The following ESRP2 variants were observed in gnomAD, a reference collection of about 807,000 sequenced individuals.
ESRP2 encodes the protein RNA binding motif protein 35A.
A neutral mutation model predicts 78.6 loss-of-function variants in ESRP2; 48 were observed. The observed-to-expected ratio is 0.61, with a 90% CI of 0.48 to 0.78. The LOEUF (loss-of-function observed/expected upper bound fraction) is 0.78, where lower values mean the gene tolerates loss of function less well. Among genes scored for constraint, ESRP2 ranks in the 30% least tolerant of loss-of-function variants. ESRP2 has a pLI of 0.00. For missense variants in ESRP2, 863 were observed against 965.9 expected, an observed-to-expected ratio of 0.89 and a Z score of 1.41; for synonymous variants, 383 against 406.7, an observed-to-expected ratio of 0.94 and a Z score of 0.70.
chr16:68,231,660 GGAA>G lies in ESRP2; in HGVS notation c.1331_1333del (p.Leu444del), dbSNP rs1432387816. ...GGGCAGCAGTGGGGCAGTCAGTGTA[GGAA>G]GGAGTGGGCCGGATGCATAGCGGTT... On this transcript the variant is annotated inframe_deletion, in exon 11 of 15. Transcript: ENST00000473183. This position sits in a 1 kb window ranked among gnomAD's most constrained non-coding sequence, Gnocchi z 6.0. 1 of 1,612,582 alleles carries G rather than the reference GGAA, an allele frequency of 6.2e-7. No individual in the cohort carries two copies. Among genetic ancestry groups the G allele is most frequent in the Non-Finnish European group, 8.5e-7 (1 of 1,179,098 alleles).
In ESRP2 at chr16:68,231,500, G is replaced by A. The variant is rs2042139471; in HGVS notation, c.1494C>T (p.His498=). ...AAADIRPHGV[H]MVLNQQGRPS... ...GCTTCACCTGCTGGTTGAGCACCAT[G>A]TGTACACCGTGGGGCCGAATGTCAG... is the stretch of plus-strand genomic sequence containing the variant. The change falls in exon 11 of 15, where the codon CAC becomes CAT. Residue 498 remains histidine, a synonymous_variant. Transcript: ENST00000473183. This position sits in a 1 kb window ranked among gnomAD's most constrained non-coding sequence, Gnocchi z 6.0. 1 of 1,613,960 alleles carries A rather than the reference G, an allele frequency of 6.2e-7. No individual in the cohort carries two copies. Among genetic ancestry groups the A allele is most frequent in the African/African-American group, 1.3e-5 (1 of 74,882 alleles).
rs754826593 is a variant in ESRP2 at position 68,232,313 on chromosome 16, C to T, written c.955-25G>A. On this transcript the variant is annotated intron_variant, in intron 8 of 14. Transcript: ENST00000473183. The surrounding 1 kb of genome is among the most constrained non-coding windows in gnomAD (Gnocchi z 5.2). ...CCTGTGGGTACAGAGAGCAGCAGCC[C>T]ATGGGTCTCAGGCCTGACTCAGATT... 11 of 1,614,086 alleles carry T rather than the reference C, an allele frequency of 6.8e-6. No individual in the cohort carries two copies. The highest frequency in any genetic ancestry group is 9.3e-6 in the Non-Finnish European group (11 of 1,180,030).
chr16:68,230,568 G>A lies in ESRP2; in HGVS notation c.1899-14C>T, dbSNP rs369435938. 9 of 1,547,532 alleles carry A rather than the reference G, an allele frequency of 5.8e-6. No individual in the cohort carries two copies. In the African/African-American group the frequency reaches 1.2e-4, roughly 21 times the overall value. On this transcript the variant is annotated splice_polypyrimidine_tract_variant and intron_variant, in intron 13 of 14. Coordinates refer to ENST00000473183, the MANE Select transcript of ESRP2 (RefSeq NM_024939.3). The stretch of plus-strand genomic sequence containing the variant: ...GAGACTGGGGGGCTAGGGTGGGAGA[G>A]ACAAGGTTTAGTCATGCATGCCACC...
chr16:68,234,093 C>T lies in ESRP2; in HGVS notation c.342G>A (p.Val114=), dbSNP rs371703314. 6.2e-7 allele frequency: 1 copy of T among 1,611,838 alleles called. No individual in the cohort carries two copies. Among genetic ancestry groups the T allele is most frequent in the Non-Finnish European group, 8.5e-7 (1 of 1,179,092 alleles). The change falls in exon 3 of 15, where the codon GTG becomes GTA. Residue 114 remains valine, a synonymous_variant. Transcript: ENST00000473183. ...DKVLQQFSQL[V]NGDVALLGGG... is the part of the protein sequence containing the mutation. ...CGCCCAGCAAAGCCACATCCCCGTT[C>T]ACCAGCTGTGAGAACTGGGGATAGG...
In ESRP2 at chr16:68,232,028, G is replaced by A. The variant is rs763741902; in HGVS notation, c.1073C>T (p.Ser358Leu). Residue 358 changes from serine to leucine, a missense_variant, in exon 10 of 15, where the codon TCG becomes TTG. By Grantham distance (145) the Ser-to-Leu change is moderately radical. Transcript: ENST00000473183. The surrounding 1 kb of genome is among the most constrained non-coding windows in gnomAD (Gnocchi z 5.2). ...GCCAAGCACGTCCGTTGGCCCAGCCGAGAAGGGCAGTCCCCGCAGCCGCAG... is the reference window on the plus strand; with the variant it reads ...GCCAAGCACGTCCGTTGGCCCAGCCAAGAAGGGCAGTCCCCGCAGCCGCAG... ...VILRLRGLPFSAGPTDVLGFL... is the reference protein window; with the variant it reads ...VILRLRGLPFLAGPTDVLGFL... The A allele has an allele frequency of 3.1e-6, 5 of 1,614,070 alleles. No individual in the cohort carries two copies. Among genetic ancestry groups the A allele is most frequent in the Admixed American group, 1.7e-5 (1 of 60,012 alleles).
rs2042126238 is a variant in ESRP2, at chr16:68,230,943, G to A, written c.1796C>T (p.Ala599Val). 4 of 1,612,746 alleles carry A rather than the reference G, an allele frequency of 2.5e-6. No individual in the cohort carries two copies. The South Asian group carries it at 4.4e-5, about 18-fold the overall frequency. Residue 599 changes from alanine to valine, a missense_variant, in exon 13 of 15, where the codon GCA becomes GTA. Coordinates refer to ENST00000473183, the MANE Select transcript of ESRP2 (RefSeq NM_024939.3). ...TETAALYPSSALLPAARVPAA... is the reference protein window; with the variant it reads ...TETAALYPSSVLLPAARVPAA... ...AGGCACCCTGGCAGCTGGGAGCAGT[G>A]CTGAAGAGGGGTATAGAGCTGCCGT...
chr16:68,233,618 T>G, intron 4 of ESRP2, 150 bp downstream of exon 4: 3 of 741,670 alleles, frequency 4.0e-6, no homozygotes, highest in Non-Finnish European at 7.0e-6. Flanking sequence ...AAACTCATCC[T>G]AGCACAGACA....
At position 68,229,581 on chromosome 16, in the gene ESRP2, C is replaced by T. The variant is rs372574382; in HGVS notation, c.*645G>A. 3.9e-5 allele frequency: 6 copies of T among 152,446 alleles called. No individual in the cohort carries two copies. The East Asian group carries it at 5.8e-4, about 15-fold the overall frequency. The allele number at this position is 152,446 out of a possible 1,614,324, so 9.4% of individuals were successfully genotyped here. ...GGGGCCTACTGCCCCCTAATGTCTT[C>T]TGGTGATACTGCAGCACAGTCCATC... On this transcript the variant is annotated 3_prime_UTR_variant, in exon 15 of 15. Transcript: ENST00000473183.
chr16:68,232,045 C>T lies in ESRP2; in HGVS notation c.1056G>A (p.Leu352=), dbSNP rs761447394. The T allele has an allele frequency of 1.2e-5, 19 of 1,613,954 alleles. No homozygotes were observed. In the South Asian group the frequency reaches 2.1e-4, roughly 18 times the overall value. Residue 352 remains leucine (L), a synonymous_variant, in exon 10 of 15, where the codon CTG becomes CTA. Transcript: ENST00000473183. The surrounding 1 kb of genome is among the most constrained non-coding windows in gnomAD (Gnocchi z 5.2). ...LSREDQVILR[L]RGLPFSAGPT... ...GCCCAGCCGAGAAGGGCAGTCCCCGCAGCCGCAGGATCACTTGGTCTTCCC... is the reference window on the plus strand; with the variant it reads ...GCCCAGCCGAGAAGGGCAGTCCCCGTAGCCGCAGGATCACTTGGTCTTCCC...
In ESRP2 at chr16:68,231,759, G is replaced by T. The variant is rs778209842; in HGVS notation, c.1299+43C>A. ...GGGCAGGGACACAGAGGGCCGCCCTGGAGTAACAGTACATCTGGGGGTGGG... is the reference window on the plus strand; with the variant it reads ...GGGCAGGGACACAGAGGGCCGCCCTTGAGTAACAGTACATCTGGGGGTGGG... On this transcript the variant is annotated intron_variant, in intron 10 of 14. Transcript: ENST00000473183. The surrounding 1 kb of genome is among the most constrained non-coding windows in gnomAD (Gnocchi z 6.0). The T allele has an allele frequency of 6.3e-7, 1 of 1,598,888 alleles. No homozygotes were observed. Among genetic ancestry groups the T allele is most frequent in the Admixed American group, 1.7e-5 (1 of 59,466 alleles).
Position 68,232,484 on chromosome 16 carries a change from G to A in ESRP2, c.841C>T (p.Leu281Phe), listed in dbSNP as rs139310835. The A allele has an allele frequency of 6.2e-7, 1 of 1,614,174 alleles. No homozygotes were observed. Among genetic ancestry groups the A allele is most frequent in the South Asian group, 1.1e-5 (1 of 91,084 alleles). ...CCATTTCTGCGGCCCTGGGCGTTGAGGCAGAGTGCTACACCACCCCTGTGG... is the reference window on the plus strand; with the variant it reads ...CCATTTCTGCGGCCCTGGGCGTTGAAGCAGAGTGCTACACCACCCCTGTGG... Reference protein sequence around the residue: ...NVARGGVALCLNAQGRRNGEA... With the variant: ...NVARGGVALCFNAQGRRNGEA... Residue 281 changes from leucine (L) to phenylalanine (F), a missense_variant, in exon 8 of 15, where the codon CTC becomes TTC. Transcript: ENST00000473183. The surrounding 1 kb of genome is among the most constrained non-coding windows in gnomAD (Gnocchi z 5.2).
Position 68,232,403 on chromosome 16 carries a change from GTC to G in ESRP2, c.920_921del (p.Arg307ThrfsTer11), listed in dbSNP as rs1282807530. ...TAGCGGACGCCCATGTGGTGCTTGT[GTC>G]TCTGCAGCGCTAGGTCCCGCTGCTC... ...DSEQRDLALQ[R>X]HKHHMGVRYI... On this transcript the variant is annotated frameshift_variant, in exon 8 of 15. Transcript: ENST00000473183. LOFTEE classifies it high-confidence loss of function. The surrounding 1 kb of genome is among the most constrained non-coding windows in gnomAD (Gnocchi z 5.2). 12 of 1,614,062 alleles carry G rather than the reference GTC, an allele frequency of 7.4e-6. No homozygotes were observed. The highest frequency in any genetic ancestry group is 1.1e-5 in the South Asian group (1 of 91,074).
At position 68,234,482 on chromosome 16, in the gene ESRP2, G is replaced by A. The variant is rs575549419; in HGVS notation, c.328-375C>T. ...TTTGACCGGGTACCACCCTCAGACAGGTGGGGGAGGCCCAGGCCTGCCTGA... is the reference window on the plus strand; with the variant it reads ...TTTGACCGGGTACCACCCTCAGACAAGTGGGGGAGGCCCAGGCCTGCCTGA... On this transcript the variant is annotated intron_variant, in intron 2 of 14. Coordinates refer to ENST00000473183, the MANE Select transcript of ESRP2 (RefSeq NM_024939.3). 45 of 178,182 alleles carry A rather than the reference G, an allele frequency of 2.5e-4. No homozygotes were observed. The South Asian group carries it at 3.7e-3, about 15-fold the overall frequency. The allele number at this position is 178,182 out of a possible 1,614,324, so 11.0% of individuals were successfully genotyped here.
Position 68,232,795 on chromosome 16 carries a change from C to T in ESRP2, c.676G>A (p.Glu226Lys), listed in dbSNP as rs574031396. The T allele has an allele frequency of 6.8e-6, 11 of 1,614,172 alleles. No individual in the cohort carries two copies. In the African/African-American group the frequency reaches 9.3e-5, roughly 14 times the overall value. The change falls in exon 6 of 15, where the codon GAG becomes AAG. Residue 226 changes from glutamate (E) to lysine (K), a missense_variant. Transcript: ENST00000473183. The surrounding 1 kb of genome is among the most constrained non-coding windows in gnomAD (Gnocchi z 5.2). The part of the protein sequence containing the change: ...EPSSQLFSKP[E>K]VIKQKYETGP... ...GTCTCGTATTTCTGCTTTATCACCTCGGGCTTCGAAAACAATTGACCTGAG... is the reference window on the plus strand; with the variant it reads ...GTCTCGTATTTCTGCTTTATCACCTTGGGCTTCGAAAACAATTGACCTGAG...
rs1241998738 is a variant in ESRP2 at position 68,230,210 on chromosome 16, CTCCT to C, written c.*12_*15del. On this transcript the variant is annotated 3_prime_UTR_variant, in exon 15 of 15. Coordinates refer to ENST00000473183, the MANE Select transcript of ESRP2 (RefSeq NM_024939.3). The stretch of plus-strand genomic sequence containing the variant: ...GCCGAGGATATCAGCTGGCTCTTAC[CTCCT>C]GGCTTTCTCTCCTACAAACACACCC... 1.9e-6 allele frequency: 3 copies of C among 1,613,122 alleles called. No homozygotes were observed. Among genetic ancestry groups the C allele is most frequent in the Non-Finnish European group, 8.5e-7 (1 of 1,179,178 alleles).
Position 68,232,963 on chromosome 16 carries a change from C to G in ESRP2, c.656-148G>C. On this transcript the variant is annotated intron_variant, in intron 5 of 14. Transcript: ENST00000473183. This position sits in a 1 kb window ranked among gnomAD's most constrained non-coding sequence, Gnocchi z 5.2. ...CCTATAATCCCAGCACTTTGGGAGG[C>G]CAAGGTGGGTGGATCATTTGAGGTC... 3 of 1,121,604 alleles carry G rather than the reference C, an allele frequency of 2.7e-6. No individual in the cohort carries two copies. The Admixed American group carries it at 6.1e-5, about 23-fold the overall frequency. 69.5% of individuals were successfully genotyped at this position (1,121,604 alleles called of 1,614,324 possible).
At position 68,231,380 on chromosome 16, in the gene ESRP2, T is replaced by G; in HGVS notation, c.1513-4A>C. On this transcript the variant is annotated splice_region_variant and splice_polypyrimidine_tract_variant and intron_variant, in intron 11 of 14. Transcript: ENST00000473183. This position sits in a 1 kb window ranked among gnomAD's most constrained non-coding sequence, Gnocchi z 6.0. ...AGGCATCGCCCGATGGCCGGCCCTG[T>G]GCACACCATCTTGTGAGCAGTTTGT... 6.2e-7 allele frequency: 1 copy of G among 1,614,094 alleles called. No homozygotes were observed. The highest frequency in any genetic ancestry group is 8.5e-7 in the Non-Finnish European group (1 of 1,179,996).
In ESRP2 at chr16:68,230,436, A is replaced by G. The variant is rs1432155640; in HGVS notation, c.2017T>C (p.Tyr673His). 2.5e-6 allele frequency: 4 copies of G among 1,613,160 alleles called. No individual in the cohort carries two copies. The highest frequency in any genetic ancestry group is 2.2e-5 in the East Asian group (1 of 44,868). The change falls in exon 14 of 15, where the codon TAC becomes CAC. Residue 673 changes from tyrosine (Y) to histidine (H), a missense_variant. Tyr to His is a moderately conservative substitution (Grantham distance 83). Coordinates refer to ENST00000473183, the MANE Select transcript of ESRP2 (RefSeq NM_024939.3). The stretch of plus-strand genomic sequence containing the variant: ...AGCAGATCCTTCATACCAGCCGTGT[A>G]TGGGACACCCTGCATGCGGACCAAG... ...GALVRMQGVP[Y>H]TAGMKDLLSV...
Position 68,232,115 on chromosome 16 carries a change from A to C in ESRP2, c.998-12T>G. On this transcript the variant is annotated splice_polypyrimidine_tract_variant and intron_variant, in intron 9 of 14. Transcript: ENST00000473183. This position sits in a 1 kb window ranked among gnomAD's most constrained non-coding sequence, Gnocchi z 5.2. The stretch of plus-strand genomic sequence containing the variant: ...CTCTAGTGATGTGCCTGTGTATGAG[A>C]GTCGCCTGCTGACTTCACTCATGCT... 1 of 1,610,686 alleles carries C rather than the reference A, an allele frequency of 6.2e-7. No homozygotes were observed. The highest frequency in any genetic ancestry group is 8.5e-7 in the Non-Finnish European group (1 of 1,177,648).
Sources: allele counts gnomAD v4.1 joint callset, GRCh38; gene constraint gnomAD v4.1.1; non-coding constraint Gnocchi (gnomAD v3.1); transcripts MANE v1.5; gene names NCBI Gene and HGNC (gene_info 2026-07-23, HGNC 2026-07-21).